The following OXCT1 variants were observed in gnomAD, a reference collection of about 807,000 sequenced individuals.
The protein encoded by OXCT1 is 3-oxoacid CoA-transferase 1.
Under a neutral mutation model 69.6 loss-of-function variants are expected in OXCT1, and 27 were observed. That is an observed-to-expected ratio of 0.39 (90% CI 0.29 to 0.54). The LOEUF (loss-of-function observed/expected upper bound fraction) is 0.54, where lower values mean the gene tolerates loss of function less well. Ranked by LOEUF, OXCT1 falls within the 20% of genes least tolerant of loss-of-function variation. OXCT1 has a pLI of 0.72. For synonymous variants in OXCT1, 202 were observed against 217.8 expected (o/e 0.93, Z 0.64); for missense variants, 437 against 650.2 (o/e 0.67, Z 3.57).
intron 2 of OXCT1, 61 bp from the exon 3 acceptor site, chr5:41,861,465 G>C: frequency 1.0e-6 from 1 of 965,654 alleles, no homozygotes; most frequent in Admixed American, 1.7e-5. Flanking sequence ...TTTCAGAGAA[G>C]TGTGTGTTAT....
chr5:41,780,662 AAC>A (rs1185894438), intron 13 of OXCT1, among the ~76,000 whole-genome samples: 4 of 152,212 alleles, frequency 2.6e-5, no homozygotes, highest in African/African-American at 7.2e-5. Flanking sequence ...TATAGAAATC[AAC>A]AGTTTTCCTT....
intron 14 of OXCT1, among the ~76,000 whole-genome samples, chr5:41,753,334 G>C (rs201637655): frequency 4.8e-5 from 6 of 124,658 alleles, no homozygotes; most frequent in Admixed American, 1.6e-4. Context: ...CACACACACA[G>C]ACACACACGT....
At position 41,801,062 on chromosome 5, in the gene OXCT1, A is replaced by G. The variant is rs761820818; in HGVS notation, c.1059T>C (p.Tyr353=). 1.2e-6 allele frequency: 2 copies of G among 1,610,982 alleles called. No homozygotes were observed. The highest frequency in any genetic ancestry group is 3.3e-5 in the Admixed American group (2 of 59,950). Reference sequence around the variant, plus strand: ...CTGCATCAGCTTCATGTTGTCGTGGATATGGACCCTGTCAAATACAACATA... The same window carrying G: ...CTGCATCAGCTTCATGTTGTCGTGGGTATGGACCCTGTCAAATACAACATA... ...SENGVLGLGP[Y]PRQHEADADL... is the part of the protein sequence containing the mutation. The change falls in exon 11 of 17, where the codon TAT becomes TAC. Residue 353 remains tyrosine (Y), a synonymous_variant. Transcript: ENST00000196371.
intron 13 of OXCT1, among the ~76,000 whole-genome samples, chr5:41,769,077 C>T (rs1341890567): frequency 6.6e-6 from 1 of 152,184 alleles, no homozygotes; most frequent in African/African-American, 2.4e-5. Flanking sequence ...AGGAAGTGTT[C>T]ACAGACCTCT....
rs181140958 is a variant in OXCT1, at chr5:41,803,608, A to T, written c.956-445T>A. On this transcript the variant is annotated intron_variant, in intron 9 of 16. Coordinates refer to ENST00000196371, the MANE Select transcript of OXCT1 (RefSeq NM_000436.4). ...AGTTACCGTTTTTAAATTTTAAAAA[A>T]GTTTTCTGACAATACCAAAATTTCT... 3.9e-5 allele frequency among the ~76,000 whole-genome samples: 6 copies of T among 152,234 alleles called. No individual in the cohort carries two copies. In the East Asian group the frequency reaches 1.2e-3, roughly 29 times the overall value.
rs573286586 is a variant in OXCT1, at chr5:41,807,094, G to A, written c.840+237C>T. On this transcript the variant is annotated intron_variant, in intron 8 of 16. Transcript: ENST00000196371. ...GGACAGTAGAAGCCTAGTAGACACA[G>A]CCTAGAGAATCTCATGGCATGGTGA... Among the ~76,000 whole-genome samples, 4 of 152,172 alleles carry A rather than the reference G, an allele frequency of 2.6e-5. No individual in the cohort carries two copies. In the East Asian group the frequency reaches 5.8e-4, roughly 22 times the overall value.
chr5:41,862,837 A>G (rs1482980066), intron 1 of OXCT1, 87 bp from the exon 2 acceptor site: 7 of 784,924 alleles, frequency 8.9e-6, no homozygotes, highest in Non-Finnish European at 1.3e-5. Context: ...TTGATAGACA[A>G]ATGATAATTT....
At chr5:41,757,995 T>G (rs1193847708) in intron 14 of OXCT1, among the ~76,000 whole-genome samples, 1 of 152,094 alleles carries the variant, frequency 6.6e-6, no homozygotes, top group Non-Finnish European at 1.5e-5. Flanking sequence ...AGTCGTGTGC[T>G]TGATTACCAG....
intron 13 of OXCT1, among the ~76,000 whole-genome samples, chr5:41,768,875 T>C (rs955335005): frequency 6.6e-6 from 1 of 152,172 alleles, no homozygotes; most frequent in African/African-American, 2.4e-5. Flanking sequence ...CACCTCAGCC[T>C]GGCATTCAAG....
At chr5:41,863,303 C>A (rs1242357153) in intron 1 of OXCT1, among the ~76,000 whole-genome samples, 5 of 152,290 alleles carry the variant, frequency 3.3e-5, no homozygotes, top group Middle Eastern at 3.4e-3. Flanking sequence ...TAAATGCACA[C>A]ACTTTTTTAT....
chr5:41,772,243 C>T (rs1401250330), intron 13 of OXCT1, among the ~76,000 whole-genome samples: 2 of 151,730 alleles, frequency 1.3e-5, no homozygotes, highest in Non-Finnish European at 2.9e-5. Context: ...GAACTAGAAC[C>T]ATGGGCAGCA....
chr5:41,821,888 T>C (rs1487416266), intron 7 of OXCT1, among the ~76,000 whole-genome samples: 2 of 152,158 alleles, frequency 1.3e-5, no homozygotes, highest in Non-Finnish European at 2.9e-5. Flanking sequence ...GAGTTTGTCA[T>C]TTTTTTCCCT....
chr5:41,827,428 C>T (rs1747860340), intron 7 of OXCT1, among the ~76,000 whole-genome samples: 1 of 152,140 alleles, frequency 6.6e-6, no homozygotes, highest in Non-Finnish European at 1.5e-5. Context: ...AATAAAGCTG[C>T]TTCTCCTCCA....
intron 7 of OXCT1, 27 bp downstream of exon 7, chr5:41,840,424 A>G (rs1241428522): frequency 1.3e-6 from 2 of 1,537,958 alleles, no homozygotes; most frequent in South Asian, 2.2e-5. Context: ...AATAATTAAC[A>G]CCAAGAATTC....
Position 41,731,432 on chromosome 5 carries a change from C to A in OXCT1, c.*297G>T. ...CTAGGGCCCTTCTTGGGGAAAGGTTCATATAATTTAGCATACATACCATAT... is the reference window on the plus strand; with the variant it reads ...CTAGGGCCCTTCTTGGGGAAAGGTTAATATAATTTAGCATACATACCATAT... On this transcript the variant is annotated 3_prime_UTR_variant, in exon 17 of 17. Transcript: ENST00000196371. 5.7e-6 allele frequency: 6 copies of A among 1,046,818 alleles called. No homozygotes were observed. Among genetic ancestry groups the A allele is most frequent in the Non-Finnish European group, 7.1e-6 (6 of 841,732 alleles). The allele number at this position is 1,046,818 out of a possible 1,614,324, so 64.8% of individuals were successfully genotyped here.
intron 5 of OXCT1, among the ~76,000 whole-genome samples, chr5:41,843,326 A>G (rs1164371889): frequency 1.3e-5 from 2 of 152,274 alleles, no homozygotes; most frequent in South Asian, 2.1e-4. Context: ...ATATGTCTCC[A>G]TTTACTGAGG....
At position 41,822,576 on chromosome 5, in the gene OXCT1, C is replaced by A. The variant is rs139683548; in HGVS notation, c.733-15138G>T. 1.9e-3 allele frequency among the ~76,000 whole-genome samples: 282 copies of A among 152,194 alleles called. 4 individuals carry two copies. The highest frequency in any genetic ancestry group is 6.3e-3 in the African/African-American group (262 of 41,538). ...GCAACCTCCAACTCCCGGGTTCAAG[C>A]GATTCCCCTGACTCAGCCTCCCAAG... is the stretch of plus-strand genomic sequence containing the variant. On this transcript the variant is annotated intron_variant, in intron 7 of 16. Transcript: ENST00000196371.
At chr5:41,800,117 C>A (rs1326980550) in intron 11 of OXCT1, among the ~76,000 whole-genome samples, 1 of 152,102 alleles carries the variant, frequency 6.6e-6, no homozygotes, top group Non-Finnish European at 1.5e-5. Flanking sequence ...GCCAAAAGAC[C>A]TGACCTGTTC....
chr5:41,756,808 A>T (rs1255506487), intron 14 of OXCT1, among the ~76,000 whole-genome samples: 1 of 152,116 alleles, frequency 6.6e-6, no homozygotes. Flanking sequence ...GAAGTGAGGC[A>T]GTGAGCCATG....
Sources: allele counts gnomAD v4.1 joint callset (sites outside exome capture counted in the v4.1 genomes callset), GRCh38; gene constraint gnomAD v4.1.1; transcripts MANE v1.5; gene names NCBI Gene and HGNC (gene_info 2026-07-23, HGNC 2026-07-21).